PML: variants seen among roughly 807,000 people sequenced by gnomAD.
PML encodes protein PML.
In PML, 28 loss-of-function variants were observed where a neutral mutation model predicts 65.2. The observed-to-expected ratio is 0.43, with a 90% confidence interval of 0.32 to 0.59. The LOEUF (loss-of-function observed/expected upper bound fraction) is 0.59. Ranked by LOEUF, PML falls within the 20% of genes least tolerant of loss-of-function variation. PML has a pLI of 0.08. For missense variants in PML, 1,021 were observed against 1,203.4 expected (o/e 0.85, Z 2.24); for synonymous variants, 500 against 508.8 (o/e 0.98, Z 0.23).
chr15:73,997,906 T>G, intron 1 of PML, 98 bp from the exon 2 acceptor site: 1 of 1,004,814 alleles, frequency 1.0e-6, no homozygotes, highest in Non-Finnish European at 1.6e-6. Context: ...GAATGGAATA[T>G]GAGGTCCTAC....
At chr15:74,013,342 T>C (rs1567124718) in intron 2 of PML, among the ~76,000 whole-genome samples, 1 of 152,222 alleles carries the variant, frequency 6.6e-6, no homozygotes, top group Non-Finnish European at 1.5e-5. Context: ...GGGGAACTTA[T>C]TTACTTAATG....
chr15:74,022,742 T>G, intron 2 of PML, 86 bp from the exon 3 acceptor site: 1 of 1,072,724 alleles, frequency 9.3e-7, no homozygotes, highest in Non-Finnish European at 1.4e-6. Context: ...AAGTCTGGTA[T>G]TTTTGGAAGA....
At chr15:74,005,044 G>C (rs1008010981) in intron 2 of PML, among the ~76,000 whole-genome samples, 2 of 150,956 alleles carry the variant, frequency 1.3e-5, no homozygotes, top group Non-Finnish European at 2.9e-5. Flanking sequence ...CCCTTCATTT[G>C]TTTATTTTAT....
intron 2 of PML, among the ~76,000 whole-genome samples, chr15:74,019,501 G>A (rs1227808347): frequency 1.3e-5 from 2 of 152,120 alleles, no homozygotes; most frequent in Admixed American, 1.3e-4. Context: ...AATCTAAAAA[G>A]GTATGCAGTG....
chr15:74,011,187 C>T (rs1419425069), intron 2 of PML, among the ~76,000 whole-genome samples: 1 of 152,144 alleles, frequency 6.6e-6, no homozygotes, highest in Non-Finnish European at 1.5e-5. Flanking sequence ...CACCCTCAGC[C>T]CCAAATTCAA....
intron 6 of PML, chr15:74,033,836 A>G: frequency 2.0e-6 from 1 of 509,684 alleles, no homozygotes; most frequent in Non-Finnish European, 3.5e-6. Context: ...TGTTTCTGCA[A>G]AGGCCACCTA....
intron 2 of PML, among the ~76,000 whole-genome samples, chr15:74,001,796 C>T (rs542294852): frequency 1.3e-5 from 2 of 151,952 alleles, no homozygotes; most frequent in African/African-American, 2.4e-5. Flanking sequence ...GTCAAGAGTT[C>T]GAGATCAGCC....
rs1037594585 is a variant in PML at position 74,035,508 on chromosome 15, A to AT, written c.1710+980dup. The AT allele has an allele frequency of 5.0e-6, 8 of 1,611,662 alleles. No homozygotes were observed. In the Admixed American group the frequency reaches 1.2e-4, roughly 24 times the overall value. ...GCACCCTCAATTGCATCGGGCCCCT[A>AT]TTCGGACTTGGTCTCCCCATGTGGT... On this transcript the variant is annotated intron_variant, in intron 7 of 8. Transcript: ENST00000268058. This position sits in a 1 kb window ranked among gnomAD's most constrained non-coding sequence, Gnocchi z 4.1.
intron 1 of PML, 50 bp from the exon 2 acceptor site, chr15:73,997,953 TG>T: frequency 6.5e-7 from 1 of 1,527,706 alleles, no homozygotes; most frequent in Non-Finnish European, 9.1e-7. Flanking sequence ...GGCCGGTAGG[TG>T]GGGGCTTTTG....
At chr15:74,015,024 C>G (rs1189576211) in intron 2 of PML, among the ~76,000 whole-genome samples, 2 of 152,182 alleles carry the variant, frequency 1.3e-5, no homozygotes. Flanking sequence ...TTTCTCCTCC[C>G]CATTCCTGGG....
At chr15:74,031,769 C>T (rs957232829) in intron 4 of PML, among the ~76,000 whole-genome samples, 8 of 152,220 alleles carry the variant, frequency 5.3e-5, no homozygotes, top group African/African-American at 1.9e-4. Context: ...GTACATGAAG[C>T]ACTTAGCACT....
chr15:74,007,599 C>T (rs74453659), intron 2 of PML, among the ~76,000 whole-genome samples: 1 of 152,234 alleles, frequency 6.6e-6, no homozygotes, highest in African/African-American at 2.4e-5. Flanking sequence ...CTCTTTGACC[C>T]TGGGCTGATT....
At chr15:74,024,153 C>G (rs2070970740) in intron 3 of PML, among the ~76,000 whole-genome samples, 3 of 152,098 alleles carry the variant, frequency 2.0e-5, no homozygotes, top group South Asian at 4.1e-4. Flanking sequence ...GACTAAATCT[C>G]CAAGCTGGAA....
intron 2 of PML, among the ~76,000 whole-genome samples, chr15:74,016,477 C>T (rs377481850): frequency 2.0e-5 from 3 of 152,050 alleles, no homozygotes; most frequent in East Asian, 1.9e-4. Flanking sequence ...ATCCCAGAGA[C>T]GAGAAAGAGC....
Position 74,043,085 on chromosome 15 carries a change from C to A in PML, c.1807C>A (p.Pro603Thr), listed in dbSNP as rs1246714490. The change falls in exon 8 of 9, where the codon CCC becomes ACC. Residue 603 changes from proline (P) to threonine (T), a missense_variant. Pro to Thr is a conservative substitution (Grantham distance 38). Transcript: ENST00000268058. This position sits in a 1 kb window ranked among gnomAD's most constrained non-coding sequence, Gnocchi z 4.3. ...GGTCCTGGACGAGAACCTTGCTGAC[C>A]CCCAAGCAGAAGACAGACCTCTGGT... ...LRVLDENLAD[P>T]QAEDRPLVFF... The A allele has an allele frequency of 1.9e-6, 3 of 1,613,336 alleles. No individual in the cohort carries two copies. In the East Asian group the frequency reaches 6.7e-5, roughly 36 times the overall value.
At position 74,044,610 on chromosome 15, in the gene PML, C is replaced by T. The variant is rs760154145; in HGVS notation, c.2251C>T (p.Arg751Cys). The T allele has an allele frequency of 3.7e-6, 6 of 1,607,642 alleles. No individual in the cohort carries two copies. Among genetic ancestry groups the T allele is most frequent in the Admixed American group, 1.7e-5 (1 of 59,986 alleles). The change falls in exon 9 of 9, where the codon CGT becomes TGT. Residue 751 changes from arginine to cysteine, a missense_variant. Physicochemically the swap from Arg to Cys is radical, Grantham distance 180. Coordinates refer to ENST00000268058, the MANE Select transcript of PML (RefSeq NM_033238.3). The stretch of plus-strand genomic sequence containing the variant: ...CGCCATGGCTGCCGTGCTGGCCATG[C>T]GTGACCTGTGCCGCCTCCTCGAGGT... ...RSAMAAVLAM[R>C]DLCRLLEVSP...
intron 3 of PML, among the ~76,000 whole-genome samples, chr15:74,023,807 C>CGGTAGA (rs2070954744): frequency 1.3e-5 from 2 of 152,230 alleles, no homozygotes; most frequent in African/African-American, 4.8e-5. Flanking sequence ...CCTGGGGTTA[C>CGGTAGA]GGTAGAAGGG....
chr15:74,024,893 C>G lies in PML; in HGVS notation c.1220C>G (p.Ala407Gly). ...AVSKKASPEA[A>G]STPRDPIDVD... ...TCCAAGAAAGCCAGCCCAGAGGCTG[C>G]CAGCACTCCCAGGGACCCTATTGAC... The change falls in exon 4 of 9, where the codon GCC becomes GGC. Residue 407 changes from alanine to glycine, a missense_variant. Transcript: ENST00000268058. 6.2e-7 allele frequency: 1 copy of G among 1,613,684 alleles called. No homozygotes were observed. The highest frequency in any genetic ancestry group is 8.5e-7 in the Non-Finnish European group (1 of 1,179,626).
At chr15:74,040,574 C>A (rs929047593) in intron 7 of PML, among the ~76,000 whole-genome samples, 4 of 152,184 alleles carry the variant, frequency 2.6e-5, no homozygotes, top group Non-Finnish European at 4.4e-5. Flanking sequence ...TGCTGGCAAA[C>A]CTGAGTCTTT....
Sources: allele counts gnomAD v4.1 joint callset (sites outside exome capture counted in the v4.1 genomes callset), GRCh38; gene constraint gnomAD v4.1.1; non-coding constraint Gnocchi (gnomAD v3.1); transcripts MANE v1.5; gene names NCBI Gene and HGNC (gene_info 2026-07-23, HGNC 2026-07-21).